Variants in COL11A1 observed in about 807,000 individuals in gnomAD.
COL11A1 encodes collagen type XI alpha 1 chain.
COL11A1 carries 74 observed loss-of-function variants against 265.2 expected under a neutral mutation model. The observed-to-expected ratio is 0.28, with a 90% CI of 0.23 to 0.34. The LOEUF is 0.34. Among genes scored for constraint, COL11A1 ranks in the 10% least tolerant of loss-of-function variants. The pLI is 1.00. For synonymous variants in COL11A1, 816 were observed against 727.6 expected (o/e 1.12, Z -1.96); for missense variants, 2,165 against 2,263.6 (o/e 0.96, Z 0.88).
chr1:103,106,777 C>A (rs1674724777), intron 1 of COL11A1, among the ~76,000 whole-genome samples: 1 of 152,144 alleles, frequency 6.6e-6, no homozygotes, highest in African/African-American at 2.4e-5. Context: ...AGCTGAAAGC[C>A]ACTAAGCGTG....
intron 3 of COL11A1, among the ~76,000 whole-genome samples, chr1:103,075,182 T>A (rs373321733): frequency 6.6e-6 from 1 of 152,088 alleles, no homozygotes; most frequent in Non-Finnish European, 1.5e-5. Context: ...GAATTCCATT[T>A]AAAAAAACTC....
chr1:103,078,727 T>C lies in COL11A1; in HGVS notation c.419A>G (p.Glu140Gly). The change falls in exon 3 of 67, where the codon GAA becomes GGA. Residue 140 changes from glutamate (E) to glycine (G), a missense_variant. Physicochemically the swap from Glu to Gly is moderately conservative, Grantham distance 98 (BLOSUM62 -2). Transcript: ENST00000370096. ...EVGRSPVFLF[E>G]DHTGKPAPED... is the part of the protein sequence containing the mutation. Reference sequence around the variant, plus strand: ...TGGGGCAGGTTTTCCAGTGTGGTCTTCAAACAGAAAAACAGGTGATCTCCC... The same window carrying C: ...TGGGGCAGGTTTTCCAGTGTGGTCTCCAAACAGAAAAACAGGTGATCTCCC... The C allele has an allele frequency of 6.2e-7, 1 of 1,613,492 alleles. No homozygotes were observed. The highest frequency in any genetic ancestry group is 8.5e-7 in the Non-Finnish European group (1 of 1,179,640).
At chr1:103,062,179 C>G (rs371916769) in intron 4 of COL11A1, among the ~76,000 whole-genome samples, 2 of 151,752 alleles carry the variant, frequency 1.3e-5, no homozygotes, top group Non-Finnish European at 3.0e-5. Flanking sequence ...AAGATTGAAT[C>G]AAAAATTAAT....
rs1041040231 is a variant in COL11A1, at chr1:103,074,719, T to C, written c.550A>G (p.Lys184Glu). ...CTATCAAGTGGTTTCGTGGTTTTCT[T>C]CTTACAATCAACAATCATTGTCACA... ...KTVTMIVDCK[K>E]KTTKPLDRSE... Residue 184 changes from lysine (K) to glutamate (E), a missense_variant, in exon 4 of 67, where the codon AAG (lysine) becomes GAG (glutamate). Transcript: ENST00000370096. The C allele has an allele frequency of 1.2e-6, 2 of 1,613,410 alleles. No individual in the cohort carries two copies. The highest frequency in any genetic ancestry group is 1.7e-6 in the Non-Finnish European group (2 of 1,179,628).
At chr1:102,992,708 T>C (rs1557915344) in intron 28 of COL11A1, among the ~76,000 whole-genome samples, 1 of 152,060 alleles carries the variant, frequency 6.6e-6, no homozygotes, top group East Asian at 1.9e-4. Context: ...AATTTACTAC[T>C]TGATTGGTAT....
chr1:102,945,286 CT>C (rs1659150484), intron 42 of COL11A1, among the ~76,000 whole-genome samples: 1 of 146,232 alleles, frequency 6.8e-6, no homozygotes, highest in Non-Finnish European at 1.5e-5. Flanking sequence ...CTCTCTCTCT[CT>C]AGCCCTGTCT....
At chr1:103,082,432 C>A (rs746485319) in intron 2 of COL11A1, among the ~76,000 whole-genome samples, 1 of 151,968 alleles carries the variant, frequency 6.6e-6, no homozygotes, top group East Asian at 1.9e-4. Flanking sequence ...CCCTCCTATA[C>A]CCCAGTCACG....
At chr1:103,083,055 G>A (rs1434867997) in intron 1 of COL11A1, 83 bp from the exon 2 acceptor site, 1 of 1,316,776 alleles carries the variant, frequency 7.6e-7, no homozygotes, top group Non-Finnish European at 1.1e-6. Flanking sequence ...AGGATAGTAT[G>A]TCATTTCATA....
chr1:103,024,151 G>A (rs1214454689), intron 7 of COL11A1, among the ~76,000 whole-genome samples: 1 of 151,966 alleles, frequency 6.6e-6, no homozygotes, highest in African/African-American at 2.4e-5. Context: ...TTTTGAGATG[G>A]GGTCTCAATC....
chr1:102,932,997 A>AT lies in COL11A1; in HGVS notation c.3600+1451dup, dbSNP rs1657673286. On this transcript the variant is annotated intron_variant, in intron 46 of 66. Transcript: ENST00000370096. ...TTATTCTAGTTATACCTTCTTCTAA[A>AT]TTTTTTTCAAAGTTTTCAACTTCTT... Among the ~76,000 whole-genome samples, 4 of 124,376 alleles carry AT rather than the reference A, an allele frequency of 3.2e-5. No homozygotes were observed. In the South Asian group the frequency reaches 1.3e-3, roughly 39 times the overall value. The allele number at this position is 124,376 out of a possible 152,430, so 81.6% of individuals were successfully genotyped here.
At chr1:103,011,670 T>G (rs2786121) in intron 14 of COL11A1, among the ~76,000 whole-genome samples, 10,398 of 152,012 alleles carry the variant, frequency 0.068, 430 homozygotes, top group Middle Eastern at 0.17. Context: ...GATTTTAACT[T>G]TCAGAATAAT....
chr1:103,072,776 T>C (rs1028622709), intron 4 of COL11A1, among the ~76,000 whole-genome samples: 4 of 151,726 alleles, frequency 2.6e-5, no homozygotes, highest in South Asian at 2.1e-4. Context: ...CATACAATAA[T>C]ATAATTTAGA....
rs763539687 is a variant in COL11A1 at position 103,022,837 on chromosome 1, A to C, written c.1150T>G (p.Tyr384Asp). The change falls in exon 8 of 67, where the codon TAT becomes GAT. Residue 384 changes from tyrosine to aspartate, a missense_variant. Physicochemically the swap from Tyr to Asp is radical, Grantham distance 160. Coordinates refer to ENST00000370096, the MANE Select transcript of COL11A1 (RefSeq NM_001854.4). Reference sequence around the variant, plus strand: ...TTATCTTCATATTCTTTATATTCATAAAAATCATATTCGCCTAAATCTCCA... The same window carrying C: ...TTATCTTCATATTCTTTATATTCATCAAAATCATATTCGCCTAAATCTCCA... Reference protein sequence around the residue: ...VDGDLGEYDFYEYKEYEDKPT... With the variant: ...VDGDLGEYDFDEYKEYEDKPT... 6.2e-7 allele frequency: 1 copy of C among 1,613,920 alleles called. No homozygotes were observed. Among genetic ancestry groups the C allele is most frequent in the Non-Finnish European group, 8.5e-7 (1 of 1,179,924 alleles).
At chr1:103,094,663 T>C (rs1233402323) in intron 1 of COL11A1, among the ~76,000 whole-genome samples, 5 of 152,256 alleles carry the variant, frequency 3.3e-5, no homozygotes, top group Non-Finnish European at 5.9e-5. Flanking sequence ...CACTTACATT[T>C]AATGAATACT....
intron 36 of COL11A1, among the ~76,000 whole-genome samples, chr1:102,973,675 G>T (rs1662191891): frequency 6.6e-6 from 1 of 152,090 alleles, no homozygotes; most frequent in South Asian, 2.1e-4. Context: ...AGCATTATAT[G>T]CAGGTAGTAC....
At position 102,890,515 on chromosome 1, in the gene COL11A1, AC is replaced by A. The variant is rs1167018640; in HGVS notation, c.4303-12del. 11 of 1,586,044 alleles carry A rather than the reference AC, an allele frequency of 6.9e-6. No individual in the cohort carries two copies. The South Asian group carries it at 1.0e-4, about 15-fold the overall frequency. On this transcript the variant is annotated splice_polypyrimidine_tract_variant and intron_variant, in intron 57 of 66. Transcript: ENST00000370096. ...TAAGCCAGGAGGTCCCTAAATAATA[AC>A]AAAAAAAAAACCCCAAAACAAAAAC...
chr1:102,899,403 A>C (rs1191107384), intron 54 of COL11A1, among the ~76,000 whole-genome samples: 3 of 152,128 alleles, frequency 2.0e-5, no homozygotes, highest in Non-Finnish European at 4.4e-5. Context: ...CCCCTTCCTT[A>C]ATCTTAGAAT....
intron 50 of COL11A1, 114 bp from the exon 51 acceptor site, chr1:102,914,925 A>G (rs1240498334): frequency 1.2e-6 from 1 of 820,698 alleles, no homozygotes; most frequent in African/African-American, 1.7e-5. Flanking sequence ...TTTTTTTTTT[A>G]GACGGAATAT....
chr1:102,947,340 CA>C (rs1163203758), intron 41 of COL11A1, among the ~76,000 whole-genome samples: 19 of 152,196 alleles, frequency 1.2e-4, no homozygotes, highest in Non-Finnish European at 2.6e-4. Flanking sequence ...TGGCAGAATA[CA>C]ATCCCTAAAC....
Sources: allele counts gnomAD v4.1 joint callset (sites outside exome capture counted in the v4.1 genomes callset), GRCh38; gene constraint gnomAD v4.1.1; transcripts MANE v1.5; gene names NCBI Gene and HGNC (gene_info 2026-07-23, HGNC 2026-07-21).